The following KIF6 variants were observed in gnomAD, a reference collection of about 807,000 sequenced individuals.
KIF6 encodes the protein kinesin-like protein KIF6.
KIF6 carries 106 observed loss-of-function variants against 112.7 expected under a neutral mutation model. The ratio of observed to expected loss-of-function variants is 0.94; its 90% CI spans 0.80 to 1.11. KIF6 has a LOEUF of 1.11. KIF6 is among the 50% of genes least tolerant of loss of function. KIF6 has a pLI of 0.00. For missense variants in KIF6, 929 were observed against 964.0 expected (o/e 0.96, Z 0.48); for synonymous variants, 339 against 339.9 (o/e 1.00, Z 0.03).
At chr6:39,345,103 T>G (rs949752024) in intron 21 of KIF6, among the ~76,000 whole-genome samples, 27 of 152,376 alleles carry the variant, frequency 1.8e-4, no homozygotes, top group African/African-American at 5.3e-4. Flanking sequence ...CCTGTGCCTC[T>G]GCACAGCAGG....
intron 14 of KIF6, among the ~76,000 whole-genome samples, chr6:39,422,864 C>T (rs1770473552): frequency 1.3e-5 from 2 of 152,204 alleles, no homozygotes; most frequent in Admixed American, 1.3e-4. Flanking sequence ...CTAAAAGGCG[C>T]ATCCTCATCC....
chr6:39,621,196 G>GACACAC (rs55752326), intron 5 of KIF6, among the ~76,000 whole-genome samples: 9,134 of 135,902 alleles, frequency 0.067, 304 homozygotes, highest in Middle Eastern at 0.091. Context: ...CCGTAAGATA[G>GACACAC]ACACACACAC....
chr6:39,594,174 A>G (rs1782109140), intron 7 of KIF6, among the ~76,000 whole-genome samples: 1 of 152,046 alleles, frequency 6.6e-6, no homozygotes, highest in African/African-American at 2.4e-5. Context: ...GAATAGTTTT[A>G]GTGACACATA....
At chr6:39,702,873 A>G (rs1788947665) in intron 3 of KIF6, among the ~76,000 whole-genome samples, 1 of 120,766 alleles carries the variant, frequency 8.3e-6, no homozygotes, top group South Asian at 3.0e-4. Flanking sequence ...AAGAAATTTT[A>G]TAAACAAAAG....
intron 3 of KIF6, among the ~76,000 whole-genome samples, chr6:39,651,248 G>A (rs1251963918): frequency 6.6e-6 from 1 of 152,196 alleles, no homozygotes; most frequent in Non-Finnish European, 1.5e-5. Flanking sequence ...GGGTCCTCCA[G>A]CCATCTGAAT....
At chr6:39,601,729 C>T (rs1782584375) in intron 6 of KIF6, among the ~76,000 whole-genome samples, 1 of 151,976 alleles carries the variant, frequency 6.6e-6, no homozygotes, top group Non-Finnish European at 1.5e-5. Flanking sequence ...CACACACACA[C>T]ACACACACAC....
At chr6:39,683,818 A>T (rs1229281249) in intron 3 of KIF6, among the ~76,000 whole-genome samples, 1 of 152,198 alleles carries the variant, frequency 6.6e-6, no homozygotes, top group Non-Finnish European at 1.5e-5. Flanking sequence ...TAGATGTACA[A>T]GAGAGATATA....
At chr6:39,520,961 G>GT (rs906730401) in intron 13 of KIF6, among the ~76,000 whole-genome samples, 1 of 152,334 alleles carries the variant, frequency 6.6e-6, no homozygotes, top group African/African-American at 2.4e-5. Context: ...TAAAGATCAT[G>GT]TTTTTTGCTA....
At chr6:39,510,634 C>T (rs1776720939) in intron 13 of KIF6, among the ~76,000 whole-genome samples, 1 of 152,004 alleles carries the variant, frequency 6.6e-6, no homozygotes, top group South Asian at 2.1e-4. Flanking sequence ...GAAACTGCAT[C>T]AATTAATAGG....
chr6:39,630,890 G>A (rs1042380671), intron 5 of KIF6, among the ~76,000 whole-genome samples: 3 of 151,858 alleles, frequency 2.0e-5, no homozygotes, highest in African/African-American at 7.2e-5. Context: ...GAAGCTGTTG[G>A]ATTTTGTCAA....
intron 9 of KIF6, among the ~76,000 whole-genome samples, chr6:39,583,671 CTTCT>C (rs1320284633): frequency 1.9e-5 from 1 of 53,286 alleles, no homozygotes; most frequent in African/African-American, 6.2e-5. Flanking sequence ...TAGGATTTCA[CTTCT>C]TTTTTTTTTT....
At chr6:39,461,801 CTG>C (rs1554220677) in intron 13 of KIF6, among the ~76,000 whole-genome samples, 51 of 152,110 alleles carry the variant, frequency 3.4e-4, no homozygotes, top group Non-Finnish European at 5.9e-5. Context: ...ATATTTGTAT[CTG>C]TATTGACAAA....
chr6:39,562,891 T>C (rs939330632), intron 10 of KIF6, among the ~76,000 whole-genome samples: 1 of 152,246 alleles, frequency 6.6e-6, no homozygotes, highest in Non-Finnish European at 1.5e-5. Flanking sequence ...TAAATGTCTT[T>C]ATTTTGCCTG....
At chr6:39,591,806 C>T (rs919656315) in intron 7 of KIF6, among the ~76,000 whole-genome samples, 2 of 152,222 alleles carry the variant, frequency 1.3e-5, no homozygotes, top group South Asian at 4.1e-4. Context: ...CAGGAAAATG[C>T]GGTGGTCATA....
At chr6:39,416,073 G>A (rs1183945474) in intron 15 of KIF6, among the ~76,000 whole-genome samples, 1 of 152,222 alleles carries the variant, frequency 6.6e-6, no homozygotes, top group Non-Finnish European at 1.5e-5. Context: ...GGGGTCTGTG[G>A]AGGGATGAAG....
chr6:39,385,372 G>A (rs1230012779), intron 16 of KIF6, among the ~76,000 whole-genome samples: 1 of 152,132 alleles, frequency 6.6e-6, no homozygotes, highest in African/African-American at 2.4e-5. Flanking sequence ...GGGAAAGGAG[G>A]GGAGGATGAG....
At chr6:39,534,580 G>A (rs1246798682) in intron 13 of KIF6, among the ~76,000 whole-genome samples, 5 of 152,184 alleles carry the variant, frequency 3.3e-5, no homozygotes, top group East Asian at 1.9e-4. Flanking sequence ...CCAAACCTAC[G>A]TCTGATTGGT....
intron 3 of KIF6, among the ~76,000 whole-genome samples, chr6:39,694,082 G>C (rs974949307): frequency 2.0e-5 from 3 of 151,012 alleles, no homozygotes; most frequent in African/African-American, 7.3e-5. Flanking sequence ...CATCTCAATA[G>C]ATATGGAAAA....
At chr6:39,532,723 C>A (rs1188357616) in intron 13 of KIF6, among the ~76,000 whole-genome samples, 1 of 152,212 alleles carries the variant, frequency 6.6e-6, no homozygotes, top group East Asian at 1.9e-4. Flanking sequence ...GAGCACCATA[C>A]TGCTTAATTA....
Sources: allele counts gnomAD v4.1 joint callset (sites outside exome capture counted in the v4.1 genomes callset), GRCh38; gene constraint gnomAD v4.1.1; transcripts MANE v1.5; gene names NCBI Gene and HGNC (gene_info 2026-07-23, HGNC 2026-07-21).